The following SPPL3 variants were observed in gnomAD, a reference collection of about 807,000 sequenced individuals.
SPPL3 encodes the protein signal peptide peptidase like 3.
Under a neutral mutation model 42.4 loss-of-function variants are expected in SPPL3, and 5 were observed. The ratio of observed to expected loss-of-function variants is 0.12; its 90% CI spans 0.06 to 0.25. The LOEUF is 0.25. Ranked by LOEUF, SPPL3 falls within the 10% of genes least tolerant of loss-of-function variation. The pLI is 1.00. For synonymous variants in SPPL3, 195 were observed against 181.8 expected, an observed-to-expected ratio of 1.07 and a Z score of -0.58; for missense variants, 235 against 489.0, an observed-to-expected ratio of 0.48 and a Z score of 4.90.
chr12:120,818,239 CA>C (rs1870945405), intron 1 of SPPL3, among the ~76,000 whole-genome samples: 1 of 152,170 alleles, frequency 6.6e-6, no homozygotes, highest in Non-Finnish European at 1.5e-5. Flanking sequence ...ATTTGAGACA[CA>C]CCAAAATCAG....
intron 1 of SPPL3, chr12:120,901,864 T>A (rs1238228189): frequency 4.3e-5 from 42 of 984,278 alleles, no homozygotes; most frequent in Non-Finnish European, 4.9e-5. Flanking sequence ...AGAGGTCGTG[T>A]GTGTCCAACC....
intron 1 of SPPL3, among the ~76,000 whole-genome samples, chr12:120,901,215 A>C (rs1233375701): frequency 6.6e-6 from 1 of 152,178 alleles, no homozygotes; most frequent in African/African-American, 2.4e-5. Context: ...AACTTGTGAG[A>C]ATTAAATGTG....
chr12:120,902,151 C>A (rs558583162), intron 1 of SPPL3, among the ~76,000 whole-genome samples: 1 of 152,206 alleles, frequency 6.6e-6, no homozygotes, highest in African/African-American at 2.4e-5. Context: ...GCAGCTGTCA[C>A]GCAAAACTAT....
At chr12:120,839,462 A>G (rs1871733633) in intron 1 of SPPL3, among the ~76,000 whole-genome samples, 1 of 151,980 alleles carries the variant, frequency 6.6e-6, no homozygotes, top group Non-Finnish European at 1.5e-5. Context: ...TACATATGTA[A>G]CTAACCTGTA....
At chr12:120,782,200 A>C (rs1869568508) in intron 6 of SPPL3, among the ~76,000 whole-genome samples, 1 of 152,250 alleles carries the variant, frequency 6.6e-6, no homozygotes, top group African/African-American at 2.4e-5. Flanking sequence ...TAGTCTGCAC[A>C]AAAACTTGTA....
rs866683403 is a variant in SPPL3, at chr12:120,833,340, T to C, written c.24-22454A>G. Among the ~76,000 whole-genome samples, 7 of 152,302 alleles carry C rather than the reference T, an allele frequency of 4.6e-5. No individual in the cohort carries two copies. In the South Asian group the frequency reaches 1.4e-3, roughly 32 times the overall value. On this transcript the variant is annotated intron_variant, in intron 1 of 10. Transcript: ENST00000353487. ...GTTGGCCAAAGAGGTTAAATGTGAC[T>C]GTGGCAGGCCTTAAAAAGGAGACAG...
At chr12:120,871,579 C>G (rs759656182) in intron 1 of SPPL3, among the ~76,000 whole-genome samples, 21 of 152,030 alleles carry the variant, frequency 1.4e-4, no homozygotes, top group Non-Finnish European at 2.1e-4. Flanking sequence ...GTGGTGAAAC[C>G]CTGTCTCTAC....
At chr12:120,769,197 T>C (rs1460947244) in intron 6 of SPPL3, 138 bp from the exon 7 acceptor site, 1 of 633,222 alleles carries the variant, frequency 1.6e-6, no homozygotes, top group Admixed American at 3.0e-5. Context: ...TTCAGAAACT[T>C]ACATGCAACT....
intron 6 of SPPL3, among the ~76,000 whole-genome samples, chr12:120,777,354 T>C (rs1869359136): frequency 6.6e-6 from 1 of 152,236 alleles, no homozygotes; most frequent in South Asian, 2.1e-4. Flanking sequence ...CAAGATTCCT[T>C]AATATTGTAT....
intron 1 of SPPL3, among the ~76,000 whole-genome samples, chr12:120,847,141 C>T (rs1488701004): frequency 2.0e-5 from 3 of 151,216 alleles, no homozygotes; most frequent in Admixed American, 6.6e-5. Flanking sequence ...TAAAACCAAA[C>T]GTAAGGAAAA....
chr12:120,798,047 A>G (rs1158794234), intron 2 of SPPL3, among the ~76,000 whole-genome samples: 1 of 152,132 alleles, frequency 6.6e-6, no homozygotes, highest in Non-Finnish European at 1.5e-5. Flanking sequence ...TTCTCATATA[A>G]ATCTGGCCAA....
At chr12:120,833,224 T>C (rs1211809428) in intron 1 of SPPL3, among the ~76,000 whole-genome samples, 4 of 152,124 alleles carry the variant, frequency 2.6e-5, no homozygotes, top group Non-Finnish European at 5.9e-5. Flanking sequence ...ATAAGAACGA[T>C]GGCATAATGA....
chr12:120,869,655 C>T (rs1366036427), intron 1 of SPPL3, among the ~76,000 whole-genome samples: 1 of 152,198 alleles, frequency 6.6e-6, no homozygotes, highest in Non-Finnish European at 1.5e-5. Context: ...TTTTAAAAAT[C>T]CTTTGCTTGC....
rs143166792 is a variant in SPPL3, at chr12:120,843,121, T to C, written c.24-32235A>G. Reference sequence around the variant, plus strand: ...ATGCTTCATTCAACAGTGTTCACAGTGAACGGATCACAGTAGGGCTACATG... The same window carrying C: ...ATGCTTCATTCAACAGTGTTCACAGCGAACGGATCACAGTAGGGCTACATG... On this transcript the variant is annotated intron_variant, in intron 1 of 10. Coordinates refer to ENST00000353487, the MANE Select transcript of SPPL3 (RefSeq NM_139015.5). Among the ~76,000 whole-genome samples, 301 of 152,248 alleles carry C rather than the reference T, an allele frequency of 2.0e-3. 1 individual carries two copies. The highest frequency in any genetic ancestry group is 6.8e-3 in the Middle Eastern group (2 of 294).
intron 6 of SPPL3, among the ~76,000 whole-genome samples, chr12:120,779,325 A>G (rs1360325666): frequency 6.6e-6 from 1 of 152,190 alleles, no homozygotes; most frequent in Non-Finnish European, 1.5e-5. Context: ...GCAGGGAAAC[A>G]CTGCCTGGTG....
intron 1 of SPPL3, among the ~76,000 whole-genome samples, chr12:120,837,020 A>G (rs559745211): frequency 6.6e-6 from 1 of 152,150 alleles, no homozygotes; most frequent in South Asian, 2.1e-4. Context: ...TGAATCTATA[A>G]TTATGTCAAT....
At chr12:120,838,467 C>T (rs866480575) in intron 1 of SPPL3, among the ~76,000 whole-genome samples, 19 of 152,292 alleles carry the variant, frequency 1.2e-4, no homozygotes, top group Middle Eastern at 3.4e-3. Context: ...AGATTTGATT[C>T]GGGGACTTCC....
intron 1 of SPPL3, among the ~76,000 whole-genome samples, chr12:120,861,272 G>C (rs765065355): frequency 6.0e-4 from 91 of 152,058 alleles, no homozygotes; most frequent in Non-Finnish European, 1.3e-3. Flanking sequence ...TTACAATAAA[G>C]CTTTATTTAC....
chr12:120,834,925 A>AACTATTAAC (rs2137020971), intron 1 of SPPL3, among the ~76,000 whole-genome samples: 1 of 152,330 alleles, frequency 6.6e-6, no homozygotes, highest in South Asian at 2.1e-4. Context: ...CACATTTCTG[A>AACTATTAAC]ACTATTAATA....
Sources: gnomAD v4.1 joint callset for allele counts (sites outside exome capture counted in the v4.1 genomes callset) on GRCh38, gnomAD v4.1.1 for gene constraint, MANE v1.5 for transcripts, NCBI Gene and HGNC (gene_info 2026-07-23, HGNC 2026-07-21) for gene names.